Variants in RASGRF2 observed in about 807,000 individuals in gnomAD.
RASGRF2 encodes the protein ras-specific guanine nucleotide-releasing factor 2.
In RASGRF2, 76 loss-of-function variants were observed where a neutral mutation model predicts 151.0. The observed-to-expected ratio is 0.50, with a 90% confidence interval of 0.42 to 0.61. The LOEUF (loss-of-function observed/expected upper bound fraction) is 0.61. Ranked by LOEUF, RASGRF2 falls within the 20% of genes least tolerant of loss-of-function variation. The probability of loss-of-function intolerance (pLI) is 0.00; values close to 1 mark genes in which losing one functional copy is unlikely to be tolerated. For missense variants in RASGRF2, 1,148 were observed against 1,564.6 expected (o/e 0.73, Z 4.49); for synonymous variants, 504 against 566.5 (o/e 0.89, Z 1.57).
chr5:80,994,174 G>C (rs1205678634), intron 1 of RASGRF2, among the ~76,000 whole-genome samples: 2 of 151,806 alleles, frequency 1.3e-5, no homozygotes, highest in Non-Finnish European at 2.9e-5. Context: ...GACCATCCTG[G>C]CTAACACGGT....
intron 17 of RASGRF2, among the ~76,000 whole-genome samples, chr5:81,154,261 G>A (rs1291957684): frequency 6.6e-6 from 1 of 152,146 alleles, no homozygotes; most frequent in African/African-American, 2.4e-5. Flanking sequence ...GTATACATTT[G>A]GGGTTTTTTT....
At chr5:81,222,518 A>C (rs1430710337) in intron 26 of RASGRF2, among the ~76,000 whole-genome samples, 1 of 151,960 alleles carries the variant, frequency 6.6e-6, no homozygotes, top group East Asian at 1.9e-4. Flanking sequence ...TCCCCACTCC[A>C]CTCTTAAGGT....
chr5:81,004,917 T>C (rs1749215165), intron 1 of RASGRF2, among the ~76,000 whole-genome samples: 1 of 152,168 alleles, frequency 6.6e-6, no homozygotes. Context: ...CACGTTGATA[T>C]TAGCATTTGT....
rs185722791 is a variant in RASGRF2 at position 81,178,509 on chromosome 5, G to A, written c.2687-1666G>A. ...GTATATGGATCTGGAACTCAGAGAA[G>A]AGATCTGGAGATATAAATATATGAC... On this transcript the variant is annotated intron_variant, in intron 17 of 26. Transcript: ENST00000265080. 5.7e-4 allele frequency among the ~76,000 whole-genome samples: 87 copies of A among 152,286 alleles called. 1 individual carries two copies. Among genetic ancestry groups the A allele is most frequent in the African/African-American group, 2.0e-3 (85 of 41,568 alleles).
chr5:80,966,365 G>A (rs1227089632), intron 1 of RASGRF2, among the ~76,000 whole-genome samples: 3 of 152,032 alleles, frequency 2.0e-5, no homozygotes, highest in Non-Finnish European at 4.4e-5. Flanking sequence ...CTTAAACAAA[G>A]ACTGTAAATA....
intron 17 of RASGRF2, among the ~76,000 whole-genome samples, chr5:81,172,964 C>T (rs1040651341): frequency 2.0e-5 from 3 of 152,142 alleles, no homozygotes; most frequent in Admixed American, 6.5e-5. Flanking sequence ...AGATCTGAAT[C>T]TAGAACTATC....
intron 18 of RASGRF2, among the ~76,000 whole-genome samples, chr5:81,190,910 G>A (rs956496637): frequency 3.3e-5 from 5 of 151,920 alleles, no homozygotes; most frequent in Admixed American, 1.3e-4. Flanking sequence ...GATGGATTTC[G>A]TTGATGGAAT....
chr5:81,022,949 C>T (rs1489879021), intron 1 of RASGRF2, among the ~76,000 whole-genome samples: 3 of 152,062 alleles, frequency 2.0e-5, no homozygotes, highest in Non-Finnish European at 4.4e-5. Flanking sequence ...ACTGGTGAAA[C>T]CAAATGGGCA....
chr5:81,106,520 C>G (rs190571887), intron 12 of RASGRF2, among the ~76,000 whole-genome samples: 2 of 152,324 alleles, frequency 1.3e-5, no homozygotes, highest in African/African-American at 4.8e-5. Flanking sequence ...ACTCCTTTCT[C>G]TATAGCCTGC....
intron 9 of RASGRF2, among the ~76,000 whole-genome samples, chr5:81,088,758 C>T (rs1752310397): frequency 6.6e-6 from 1 of 151,958 alleles, no homozygotes; most frequent in African/African-American, 2.4e-5. Flanking sequence ...AAAACGTAAA[C>T]TTTTTTAGGT....
In RASGRF2 at chr5:81,143,629, C is replaced by T. The variant is rs112770620; in HGVS notation, c.2686+16466C>T. ...TAAAAAGGGCAGGCACGGTGGTGCA[C>T]GCCTATAATCCCAGCACTTTGGGAG... is the stretch of plus-strand genomic sequence containing the variant. On this transcript the variant is annotated intron_variant, in intron 17 of 26. Coordinates refer to ENST00000265080, the MANE Select transcript of RASGRF2 (RefSeq NM_006909.3). Among the ~76,000 whole-genome samples the T allele has an allele frequency of 3.8e-3, 576 of 151,968 alleles. 4 individuals are homozygous for T. Among genetic ancestry groups the T allele is most frequent in the African/African-American group, 0.013 (532 of 41,468 alleles).
chr5:81,143,511 G>A (rs1015938486), intron 17 of RASGRF2, among the ~76,000 whole-genome samples: 1 of 152,164 alleles, frequency 6.6e-6, no homozygotes, highest in Non-Finnish European at 1.5e-5. Context: ...ATGCAGGAAT[G>A]CTGAAAATAA....
intron 1 of RASGRF2, among the ~76,000 whole-genome samples, chr5:80,988,810 T>C (rs1748556436): frequency 6.6e-6 from 1 of 152,212 alleles, no homozygotes; most frequent in African/African-American, 2.4e-5. Context: ...TGATAAATAA[T>C]AGCCATTATG....
At chr5:81,118,373 TG>T (rs1205297549) in intron 15 of RASGRF2, among the ~76,000 whole-genome samples, 1 of 152,216 alleles carries the variant, frequency 6.6e-6, no homozygotes, top group Non-Finnish European at 1.5e-5. Flanking sequence ...TGGGTTTGCC[TG>T]GGCCACAGCT....
intron 1 of RASGRF2, among the ~76,000 whole-genome samples, chr5:80,973,874 T>G (rs1183253155): frequency 6.6e-6 from 1 of 152,146 alleles, no homozygotes; most frequent in Non-Finnish European, 1.5e-5. Flanking sequence ...ATAGATTCGT[T>G]CAAGAGCTAC....
chr5:80,969,559 C>T (rs370127805), intron 1 of RASGRF2, among the ~76,000 whole-genome samples: 2 of 151,774 alleles, frequency 1.3e-5, no homozygotes, highest in Non-Finnish European at 2.9e-5. Flanking sequence ...CACCATTCTC[C>T]TGCCTCAGCC....
Position 81,158,529 on chromosome 5 carries a change from A to G in RASGRF2, c.2687-21646A>G, listed in dbSNP as rs147706316. 2.3e-4 allele frequency among the ~76,000 whole-genome samples: 35 copies of G among 152,274 alleles called. No homozygotes were observed. The East Asian group carries it at 6.8e-3, about 29-fold the overall frequency. On this transcript the variant is annotated intron_variant, in intron 17 of 26. Transcript: ENST00000265080. ...GAAAGTGAACAGACAACCCATAGAG[A>G]AATAGGAGAAAATATTTGCAAATCA...
chr5:80,970,997 C>A (rs916441855), intron 1 of RASGRF2, among the ~76,000 whole-genome samples: 1 of 152,136 alleles, frequency 6.6e-6, no homozygotes, highest in African/African-American at 2.4e-5. Flanking sequence ...GCCCAGAGTC[C>A]ATGTTCAAAA....
At position 81,123,670 on chromosome 5, in the gene RASGRF2, A is replaced by G; in HGVS notation, c.2499A>G (p.Arg833=). ...TCCTAGAGTCTGCACCAGCGGACCG[A>G]GCAGGAGTGGAAAGCTCCCCTGCAG... ...KAVLESAPAD[R]AGVESSPAAD... is the part of the protein sequence containing the mutation. The change falls in exon 16 of 27, where the codon CGA becomes CGG. Residue 833 remains arginine (R), a synonymous_variant. Transcript: ENST00000265080. 1 of 1,614,094 alleles carries G rather than the reference A, an allele frequency of 6.2e-7. No homozygotes were observed. Among genetic ancestry groups the G allele is most frequent in the Non-Finnish European group, 8.5e-7 (1 of 1,180,006 alleles).
Sources: allele counts gnomAD v4.1 joint callset (sites outside exome capture counted in the v4.1 genomes callset), GRCh38; gene constraint gnomAD v4.1.1; transcripts MANE v1.5; gene names NCBI Gene and HGNC (gene_info 2026-07-23, HGNC 2026-07-21).